WASHC5: variants seen among roughly 807,000 people sequenced by gnomAD.
WASHC5 encodes the protein WASH complex subunit strumpellin.
WASHC5 carries 101 observed loss-of-function variants against 150.4 expected under a neutral mutation model. The ratio of observed to expected loss-of-function variants is 0.67; its 90% CI spans 0.57 to 0.79. WASHC5 has a LOEUF of 0.79. Ranked by LOEUF, WASHC5 falls within the 30% of genes least tolerant of loss-of-function variation. WASHC5 has a pLI of 0.00. For synonymous variants in WASHC5, 467 were observed against 491.2 expected (o/e 0.95, Z 0.65); for missense variants, 1,195 against 1,396.3 (o/e 0.86, Z 2.30).
intron 8 of WASHC5, among the ~76,000 whole-genome samples, chr8:125,073,749 A>C (rs1816971737): frequency 6.6e-6 from 1 of 152,252 alleles, no homozygotes; most frequent in African/African-American, 2.4e-5. Context: ...CACTGGACTT[A>C]GAATTCTGAG....
chr8:125,081,269 G>C (rs1311544691), intron 5 of WASHC5, among the ~76,000 whole-genome samples: 2 of 130,188 alleles, frequency 1.5e-5, no homozygotes, highest in African/African-American at 3.0e-5. Flanking sequence ...ACATAGTCTC[G>C]CTCTGTCACC....
At chr8:125,081,821 G>A (rs1817275165) in intron 4 of WASHC5, 60 bp from the exon 5 acceptor site, 2 of 986,272 alleles carry the variant, frequency 2.0e-6, no homozygotes, top group African/African-American at 1.6e-5. Flanking sequence ...AGGGAGTAAA[G>A]TCGGTAATCA....
In WASHC5 at chr8:125,063,539, G is replaced by T; in HGVS notation, c.1391C>A (p.Thr464Asn). The change falls in exon 11 of 29, where the codon ACC becomes AAC. Residue 464 changes from threonine (T) to asparagine (N), a missense_variant. Thr to Asn is a moderately conservative substitution (Grantham distance 65, BLOSUM62 0). This residue lies in a region of WASHC5 where 997 missense variants were observed against 1,168.1 expected (regional missense o/e 0.85). Coordinates refer to ENST00000318410, the MANE Select transcript of WASHC5 (RefSeq NM_014846.4). ...ADVFSGVKPL[T>N]RVEKNENLQA... ...GTAATTACCATTTTTCTCCACTCTG[G>T]TTAGGGGTTTCACTCCTGAAAAGAC... The T allele has an allele frequency of 6.2e-7, 1 of 1,613,808 alleles. No individual in the cohort carries two copies. Among genetic ancestry groups the T allele is most frequent in the South Asian group, 1.1e-5 (1 of 91,072 alleles).
In WASHC5 at chr8:125,076,744, T is replaced by TA. The variant is rs59580091; in HGVS notation, c.712-245dup. 4.9e-4 allele frequency among the ~76,000 whole-genome samples: 65 copies of TA among 132,238 alleles called. 1 individual carries two copies. Among genetic ancestry groups the TA allele is most frequent in the South Asian group, 1.5e-3 (6 of 3,922 alleles). The allele number at this position is 132,238 out of a possible 152,430, so 86.8% of individuals were successfully genotyped here. On this transcript the variant is annotated intron_variant, in intron 6 of 28. Coordinates refer to ENST00000318410, the MANE Select transcript of WASHC5 (RefSeq NM_014846.4). Reference sequence around the variant, plus strand: ...ACCGCTGCAATTCTAAGTCTTTTCTTAAAAAAAAAAAAAAAAAGTCCCATT... The same window carrying TA: ...ACCGCTGCAATTCTAAGTCTTTTCTTAAAAAAAAAAAAAAAAAAGTCCCATT...
At position 125,083,835 on chromosome 8, in the gene WASHC5, CA is replaced by C. The variant is rs1300331986; in HGVS notation, c.63del (p.Cys21TrpfsTer10). 6.2e-7 allele frequency: 1 copy of C among 1,613,876 alleles called. No homozygotes were observed. Among genetic ancestry groups the C allele is most frequent in the African/African-American group, 1.3e-5 (1 of 74,888 alleles). ...AAAAGTTCAGCAATGATGGCATTAC[CA>C]CAGGAAACAATCCTTAGGATTGCTT... ...CGQAILRIVS[C>X]GNAIIAELLR... On this transcript the variant is annotated frameshift_variant, in exon 2 of 29. Coordinates refer to ENST00000318410, the MANE Select transcript of WASHC5 (RefSeq NM_014846.4). LOFTEE classifies it high-confidence loss of function.
intron 5 of WASHC5, among the ~76,000 whole-genome samples, chr8:125,079,874 T>C (rs889703405): frequency 2.0e-5 from 3 of 152,210 alleles, no homozygotes; most frequent in African/African-American, 7.2e-5. Flanking sequence ...TACTCGTGTA[T>C]ATATATTTTT....
chr8:125,082,683 A>T (rs1380522227), intron 3 of WASHC5, among the ~76,000 whole-genome samples: 1 of 152,240 alleles, frequency 6.6e-6, no homozygotes, highest in Non-Finnish European at 1.5e-5. Flanking sequence ...AATATTCCCT[A>T]GTCCTGATTT....
At position 125,063,590 on chromosome 8, in the gene WASHC5, GA is replaced by G; in HGVS notation, c.1339del (p.Ser447ArgfsTer4). On this transcript the variant is annotated frameshift_variant, in exon 11 of 29. Coordinates refer to ENST00000318410, the MANE Select transcript of WASHC5 (RefSeq NM_014846.4). LOFTEE classifies it high-confidence loss of function. Reference protein sequence around the residue: ...TKWEHYKKEGSERMTELADVF... With the variant: ...TKWEHYKKEGXERMTELADVF... The stretch of plus-strand genomic sequence containing the variant: ...ATCAGCAAGCTCAGTCATCCGCTCC[GA>G]ACCCTCTTTCTTGTAATGCTCCCAT... The G allele has an allele frequency of 6.2e-7, 1 of 1,613,768 alleles. No individual in the cohort carries two copies. Among genetic ancestry groups the G allele is most frequent in the Non-Finnish European group, 8.5e-7 (1 of 1,179,784 alleles).
chr8:125,059,041 T>TC (rs1368264438), intron 14 of WASHC5, among the ~76,000 whole-genome samples, 181 bp downstream of exon 14: 1 of 152,244 alleles, frequency 6.6e-6, no homozygotes, highest in Non-Finnish European at 1.5e-5. Context: ...AAACTTTAAA[T>TC]ATTTCTGGAA....
chr8:125,027,129 A>C (rs1815398084), intron 28 of WASHC5, among the ~76,000 whole-genome samples: 1 of 152,044 alleles, frequency 6.6e-6, no homozygotes, highest in Non-Finnish European at 1.5e-5. Flanking sequence ...TTCACACTGT[A>C]TTTTTTAATC....
At position 125,039,848 on chromosome 8, in the gene WASHC5, A is replaced by G. The variant is rs768316958; in HGVS notation, c.2901T>C (p.Tyr967=). The part of the protein sequence containing the change: ...LRQQIANELN[Y]SCRFDSKHLA... The stretch of plus-strand genomic sequence containing the variant: ...GATGTTTAGAATCAAACCGACAAGA[A>G]TAATTTAATTCATTGGCAATCTGTT... Residue 967 remains tyrosine, a synonymous_variant, in exon 24 of 29, where the codon TAT becomes TAC. Transcript: ENST00000318410. The G allele has an allele frequency of 1.9e-5, 31 of 1,613,970 alleles. No homozygotes were observed. The highest frequency in any genetic ancestry group is 2.3e-5 in the Non-Finnish European group (27 of 1,179,976).
At chr8:125,041,651 A>T (rs1458681516) in intron 23 of WASHC5, among the ~76,000 whole-genome samples, 1 of 152,102 alleles carries the variant, frequency 6.6e-6, no homozygotes, top group Non-Finnish European at 1.5e-5. Context: ...AAAAAAAAGA[A>T]AAGGAGGGTG....
Position 125,024,613 on chromosome 8 carries a change from A to G in WASHC5, c.*4T>C, listed in dbSNP as rs1563603766. 2 of 1,602,600 alleles carry G rather than the reference A, an allele frequency of 1.2e-6. No individual in the cohort carries two copies. Among genetic ancestry groups the G allele is most frequent in the East Asian group, 2.2e-5 (1 of 44,794 alleles). ...TCCTTCCATTGAAGAAGTAGGAAAA[A>G]CAGTTACAGCACTGTTCTGAACTCA... On this transcript the variant is annotated 3_prime_UTR_variant, in exon 29 of 29. Transcript: ENST00000318410.
Position 125,079,135 on chromosome 8 carries a change from T to TATAC in WASHC5, c.519-206_519-205insGTAT, listed in dbSNP as rs1554597079. On this transcript the variant is annotated intron_variant, in intron 5 of 28. Transcript: ENST00000318410. ...GTGTGTGTATATATATATATATATA[T>TATAC]ATATACATTTTTTTTTGAGATGGAG... 9.4e-4 allele frequency among the ~76,000 whole-genome samples: 111 copies of TATAC among 117,486 alleles called. 4 individuals carry two copies. The highest frequency in any genetic ancestry group is 3.9e-3 in the African/African-American group (104 of 26,684). The allele number at this position is 117,486 out of a possible 152,430, so 77.1% of individuals were successfully genotyped here.
Position 125,055,764 on chromosome 8 carries a change from C to T in WASHC5, c.2017-93G>A, listed in dbSNP as rs1024531919. 7.3e-6 allele frequency: 6 copies of T among 822,126 alleles called. No homozygotes were observed. In the African/African-American group the frequency reaches 1.0e-4, roughly 14 times the overall value. The allele number at this position is 822,126 out of a possible 1,614,324, so 50.9% of individuals were successfully genotyped here. ...GAAAAGAACTTGTAGCTTTAGGACA[C>T]CTGTGTCCACATATTCTGGACAGAA... is the stretch of plus-strand genomic sequence containing the variant. On this transcript the variant is annotated intron_variant, in intron 16 of 28. Transcript: ENST00000318410.
Position 125,061,212 on chromosome 8 carries a change from A to T in WASHC5, c.1409-18T>A. On this transcript the variant is annotated intron_variant, in intron 11 of 28. Transcript: ENST00000318410. ...AAGGTTTTCTAGTAATACAGAAATA[A>T]GAAAATACTGAAATCCTCGAATTCC... 7.7e-7 allele frequency: 1 copy of T among 1,297,582 alleles called. No homozygotes were observed. Among genetic ancestry groups the T allele is most frequent in the Non-Finnish European group, 1.1e-6 (1 of 892,910 alleles). 80.4% of individuals were successfully genotyped at this position (1,297,582 alleles called of 1,614,324 possible). A position where few individuals can be genotyped will look rare whatever the true frequency, so the allele number is the denominator to read the frequency against.
intron 10 of WASHC5, among the ~76,000 whole-genome samples, chr8:125,065,192 C>G (rs1296700558): frequency 6.6e-6 from 1 of 152,178 alleles, no homozygotes; most frequent in Admixed American, 6.5e-5. Flanking sequence ...ATTACTGTGT[C>G]TATAGGATAG....
Position 125,049,103 on chromosome 8 carries a change from T to C in WASHC5, c.2282A>G (p.Tyr761Cys). The change falls in exon 19 of 29, where the codon TAT becomes TGT. Residue 761 changes from tyrosine (Y) to cysteine (C), a missense_variant. Coordinates refer to ENST00000318410, the MANE Select transcript of WASHC5 (RefSeq NM_014846.4). ...AATCTTCAGACCATAAATGTTGACA[T>C]AGTCCTGTATGTATTCAAAAGAACG... is the stretch of plus-strand genomic sequence containing the variant. ...FHRSFEYIQD[Y>C]VNIYGLKIWQ... 2 of 1,614,016 alleles carry C rather than the reference T, an allele frequency of 1.2e-6. No individual in the cohort carries two copies. Among genetic ancestry groups the C allele is most frequent in the Non-Finnish European group, 1.7e-6 (2 of 1,179,934 alleles).
chr8:125,056,538 C>T (rs936019548), intron 16 of WASHC5, 139 bp downstream of exon 16: 6 of 954,702 alleles, frequency 6.3e-6, no homozygotes, highest in East Asian at 2.4e-5. Flanking sequence ...TCATAAAACG[C>T]GTTTACCATT....
Sources: allele counts gnomAD v4.1 joint callset (sites outside exome capture counted in the v4.1 genomes callset), GRCh38; gene constraint gnomAD v4.1.1; regional missense constraint gnomAD v4.1.1; transcripts MANE v1.5; gene names NCBI Gene and HGNC (gene_info 2026-07-23, HGNC 2026-07-21).